GREB1: variants seen among roughly 807,000 people sequenced by gnomAD.
GREB1 encodes protein GREB1.
In GREB1, 106 loss-of-function variants were observed where a neutral mutation model predicts 200.7. The observed-to-expected ratio is 0.53, with a 90% CI of 0.45 to 0.62. GREB1 has a LOEUF of 0.62. Ranked by LOEUF, GREB1 falls within the 20% of genes least tolerant of loss-of-function variation. The pLI is 0.00. For synonymous variants in GREB1, 1,132 were observed against 1,092.4 expected, an observed-to-expected ratio of 1.04 and a Z score of -0.72; for missense variants, 2,243 against 2,556.8, an observed-to-expected ratio of 0.88 and a Z score of 2.65.
intron 1 of GREB1, among the ~76,000 whole-genome samples, chr2:11,518,249 A>C (rs1056436662): frequency 2.6e-5 from 4 of 152,306 alleles, no homozygotes; most frequent in African/African-American, 9.6e-5. Context: ...TTTGGGTGGA[A>C]TTTATGACTT....
rs114832152 is a variant in GREB1, at chr2:11,621,122, C to T, written c.4147+115C>T. On this transcript the variant is annotated intron_variant, in intron 23 of 32. Coordinates refer to ENST00000381486, the MANE Select transcript of GREB1 (RefSeq NM_014668.4). ...GAATTCTCAGATTCATGATCAGACT[C>T]ATCCCAAGGACCTTGTAGGGGGTGC... 1.6e-4 allele frequency: 118 copies of T among 718,404 alleles called. No individual in the cohort carries two copies. In the African/African-American group the frequency reaches 1.8e-3, roughly 11 times the overall value. The allele number at this position is 718,404 out of a possible 1,614,324, so 44.5% of individuals were successfully genotyped here.
intron 23 of GREB1, among the ~76,000 whole-genome samples, chr2:11,622,193 G>T (rs983631392): frequency 6.6e-6 from 1 of 152,160 alleles, no homozygotes; most frequent in African/African-American, 2.4e-5. Flanking sequence ...TGATTCTCTT[G>T]TCTCAGCCTC....
chr2:11,520,492 G>C (rs1673665579), intron 1 of GREB1, among the ~76,000 whole-genome samples: 1 of 152,108 alleles, frequency 6.6e-6, no homozygotes, highest in Non-Finnish European at 1.5e-5. Flanking sequence ...TCAGCTGCTG[G>C]CCATTCCTAG....
At chr2:11,546,317 AG>A (rs1279485536) in intron 1 of GREB1, among the ~76,000 whole-genome samples, 1 of 152,246 alleles carries the variant, frequency 6.6e-6, no homozygotes, top group African/African-American at 2.4e-5. Flanking sequence ...CCTGGCACAT[AG>A]TATACAGGAA....
intron 1 of GREB1, chr2:11,539,969 C>G (rs1025553481): frequency 6.6e-6 from 1 of 152,358 alleles, no homozygotes; most frequent in Non-Finnish European, 1.5e-5. Context: ...ACGCGCCCCA[C>G]GCATCCTCTT....
chr2:11,626,278 C>G (rs993402817), intron 24 of GREB1, among the ~76,000 whole-genome samples: 1 of 151,890 alleles, frequency 6.6e-6, no homozygotes. Flanking sequence ...AAATCTTAAT[C>G]GGCGAGGTCA....
chr2:11,591,109 G>A (rs1680685180), intron 10 of GREB1, among the ~76,000 whole-genome samples: 1 of 152,204 alleles, frequency 6.6e-6, no homozygotes, highest in Admixed American at 6.5e-5. Flanking sequence ...AGGAGATGTG[G>A]ACTCAAAGGA....
chr2:11,576,590 G>A (rs574870529), intron 5 of GREB1, 55 bp downstream of exon 5: 36 of 1,396,104 alleles, frequency 2.6e-5, no homozygotes, highest in African/African-American at 1.6e-4. Flanking sequence ...CAAGTGGGCC[G>A]TGGTGCCTGT....
rs557344201 is a variant in GREB1 at position 11,616,616 on chromosome 2, T to C, written c.3323-15T>C. 2 of 1,525,352 alleles carry C rather than the reference T, an allele frequency of 1.3e-6. No individual in the cohort carries two copies. The highest frequency in any genetic ancestry group is 1.4e-5 in the African/African-American group (1 of 73,356). 94.5% of individuals were successfully genotyped at this position (1,525,352 alleles called of 1,614,324 possible). On this transcript the variant is annotated splice_polypyrimidine_tract_variant and intron_variant, in intron 20 of 32. Transcript: ENST00000381486. The stretch of plus-strand genomic sequence containing the variant: ...GTGATTTCGGTGCATTCTCAGCGTG[T>C]GTGTTTTGGAACAGGCTCTACCTCG...
At chr2:11,560,086 G>A (rs560167353) in intron 2 of GREB1, among the ~76,000 whole-genome samples, 2 of 152,312 alleles carry the variant, frequency 1.3e-5, no homozygotes, top group Admixed American at 6.5e-5. Flanking sequence ...GTGCAGCTCT[G>A]AGGGCCACGT....
At chr2:11,527,278 G>C in intron 1 of GREB1, among the ~76,000 whole-genome samples, 1 of 152,202 alleles carries the variant, frequency 6.6e-6, no homozygotes, top group Non-Finnish European at 1.5e-5. Flanking sequence ...TTATTAGAAA[G>C]AAAGAGGCAT....
intron 1 of GREB1, among the ~76,000 whole-genome samples, chr2:11,508,088 G>T (rs1024082720): frequency 3.9e-5 from 6 of 152,150 alleles, no homozygotes; most frequent in African/African-American, 9.7e-5. Context: ...CTATGGTAGA[G>T]GTTTGCTTTC....
intron 1 of GREB1, among the ~76,000 whole-genome samples, chr2:11,551,628 G>A (rs1006635735): frequency 2.6e-5 from 4 of 152,172 alleles, no homozygotes; most frequent in Non-Finnish European, 5.9e-5. Context: ...CTGTTCCCTT[G>A]GAGTTTTCGT....
At chr2:11,576,563 T>C in intron 5 of GREB1, 28 bp downstream of exon 5, 4 of 1,579,850 alleles carry the variant, frequency 2.5e-6, no homozygotes, top group Non-Finnish European at 3.5e-6. Flanking sequence ...GGAGGAGGTA[T>C]GGGAGTGCTG....
rs1281599211 is a variant in GREB1, at chr2:11,578,509, C to T, written c.772+78C>T. On this transcript the variant is annotated intron_variant, in intron 6 of 32. Transcript: ENST00000381486. ...CTCCGATGTGTCCGGTTGACTATGC[C>T]GTCAAGCATTCTTCAAAATAAATCA... 24 of 1,435,066 alleles carry T rather than the reference C, an allele frequency of 1.7e-5. 1 individual carries two copies. The highest frequency in any genetic ancestry group is 7.0e-5 in the East Asian group (3 of 42,724). 88.9% of individuals were successfully genotyped at this position (1,435,066 alleles called of 1,614,324 possible).
In GREB1 at chr2:11,592,856, C is replaced by T. The variant is rs754978513; in HGVS notation, c.1426C>T (p.Arg476Trp). The T allele has an allele frequency of 1.9e-6, 3 of 1,599,988 alleles. No individual in the cohort carries two copies. Among genetic ancestry groups the T allele is most frequent in the African/African-American group, 1.4e-5 (1 of 73,526 alleles). Residue 476 changes from arginine (R) to tryptophan (W), a missense_variant, in exon 11 of 33, where the codon CGG becomes TGG. Physicochemically the swap from Arg to Trp is moderately radical, Grantham distance 101 (BLOSUM62 -3). Transcript: ENST00000381486. ...SWRESHLTEIRQYQQAPPQPF... is the reference protein window; with the variant it reads ...SWRESHLTEIWQYQQAPPQPF... ...GCGCGAGTCGCACCTGACCGAGATC[C>T]GGCAGTACCAGCAGGCGCCGCCGCA...
chr2:11,484,910 A>G (rs967301102), intron 1 of GREB1, among the ~76,000 whole-genome samples: 6 of 152,258 alleles, frequency 3.9e-5, no homozygotes, highest in Non-Finnish European at 7.3e-5. Flanking sequence ...CAGTGGCGCA[A>G]TCTCGGCTCA....
chr2:11,549,550 A>G (rs1420276690), intron 1 of GREB1, among the ~76,000 whole-genome samples: 2 of 152,240 alleles, frequency 1.3e-5, no homozygotes, highest in East Asian at 1.9e-4. Flanking sequence ...GCTTAATGCT[A>G]TAGTTGTCCT....
chr2:11,497,205 A>G (rs1190758856), intron 1 of GREB1, among the ~76,000 whole-genome samples: 1 of 152,196 alleles, frequency 6.6e-6, no homozygotes, highest in East Asian at 1.9e-4. Flanking sequence ...ATATAGATGG[A>G]ATTATATAGT....
Sources: allele counts gnomAD v4.1 joint callset (sites outside exome capture counted in the v4.1 genomes callset), GRCh38; gene constraint gnomAD v4.1.1; transcripts MANE v1.5; gene names NCBI Gene and HGNC (gene_info 2026-07-23, HGNC 2026-07-21).